The following RASAL2 variants were observed in gnomAD, a reference collection of about 807,000 sequenced individuals.
RASAL2 encodes ras GTPase-activating protein nGAP.
A neutral mutation model predicts 128.9 loss-of-function variants in RASAL2; 58 were observed. That is an observed-to-expected ratio of 0.45 (90% confidence interval 0.36 to 0.56). The LOEUF is 0.56. RASAL2 is among the 20% of genes least tolerant of loss of function. The probability of loss-of-function intolerance (pLI) is 0.00; values close to 1 mark genes in which losing one functional copy is unlikely to be tolerated. For synonymous variants in RASAL2, 561 were observed against 580.8 expected, an observed-to-expected ratio of 0.97 and a Z score of 0.49; for missense variants, 1,360 against 1,601.6, an observed-to-expected ratio of 0.85 and a Z score of 2.57.
At chr1:178,169,517 G>A (rs1571577637) in intron 1 of RASAL2, among the ~76,000 whole-genome samples, 3 of 152,104 alleles carry the variant, frequency 2.0e-5, no homozygotes, top group Non-Finnish European at 4.4e-5. Flanking sequence ...TCATAAGGAT[G>A]CTAACTATTA....
At chr1:178,246,290 G>T (rs1310973194) in intron 1 of RASAL2, among the ~76,000 whole-genome samples, 2 of 152,132 alleles carry the variant, frequency 1.3e-5, no homozygotes, top group African/African-American at 4.8e-5. Flanking sequence ...CACATCCCTT[G>T]TAAGTTGTAT....
intron 1 of RASAL2, among the ~76,000 whole-genome samples, chr1:178,211,449 TA>T (rs1571637057): frequency 6.6e-6 from 1 of 152,156 alleles, no homozygotes; most frequent in East Asian, 1.9e-4. Flanking sequence ...AGCTCCTCAT[TA>T]TTTATAAGAT....
At position 178,442,875 on chromosome 1, in the gene RASAL2, A is replaced by G. The variant is rs1258964456; in HGVS notation, c.1128A>G (p.Thr376=). ...FFSLPPLHSI[T]VHIYKDVEKK... ...GCCTTCCACCTCTTCATAGTATCAC[A>G]GTTCACATTTACAAGGATGTGGAAA... The change falls in exon 8 of 18, where the codon ACA becomes ACG. Residue 376 remains threonine, a synonymous_variant. Coordinates refer to ENST00000367649, the MANE Select transcript of RASAL2 (RefSeq NM_170692.4). The G allele has an allele frequency of 2.5e-6, 4 of 1,614,002 alleles. No individual in the cohort carries two copies. Among genetic ancestry groups the G allele is most frequent in the Non-Finnish European group, 3.4e-6 (4 of 1,179,972 alleles).
At chr1:178,190,945 AG>A (rs902746664) in intron 1 of RASAL2, among the ~76,000 whole-genome samples, 1 of 152,214 alleles carries the variant, frequency 6.6e-6, no homozygotes, top group Non-Finnish European at 1.5e-5. Flanking sequence ...AAGAATAGTA[AG>A]GATTAATGGC....
chr1:178,242,423 TTCTCTCTCTCTCTCTCTCTCTC>T (rs58914415), intron 1 of RASAL2, among the ~76,000 whole-genome samples: 3,815 of 85,260 alleles, frequency 0.045, 254 homozygotes, highest in African/African-American at 0.11. Context: ...TTATAATTCA[TTCTCTCTCTCTCTCTCTCTCTC>T]TCTCTCTCTC....
intron 1 of RASAL2, among the ~76,000 whole-genome samples, chr1:178,130,426 GT>G (rs1159235040): frequency 2.6e-5 from 4 of 152,212 alleles, no homozygotes; most frequent in Non-Finnish European, 4.4e-5. Context: ...GAAGGAGCAT[GT>G]TTTTCCCCCG....
chr1:178,239,756 A>T (rs757975929), intron 1 of RASAL2, among the ~76,000 whole-genome samples: 1 of 151,976 alleles, frequency 6.6e-6, no homozygotes, highest in Admixed American at 6.6e-5. Context: ...AGATTGTGTG[A>T]TGATTCTAAT....
intron 3 of RASAL2, among the ~76,000 whole-genome samples, chr1:178,338,420 G>A (rs1430626011): frequency 1.3e-5 from 2 of 152,138 alleles, no homozygotes; most frequent in African/African-American, 4.8e-5. Context: ...GTGAGCCACC[G>A]TGCCGGGCCT....
intron 3 of RASAL2, among the ~76,000 whole-genome samples, chr1:178,360,739 C>T (rs907846881): frequency 2.0e-5 from 3 of 152,132 alleles, no homozygotes; most frequent in Admixed American, 6.5e-5. Flanking sequence ...AAGGTGTCAA[C>T]GGGGTTGTTT....
intron 4 of RASAL2, among the ~76,000 whole-genome samples, chr1:178,414,340 A>G (rs1674611918): frequency 6.6e-6 from 1 of 152,188 alleles, no homozygotes. Flanking sequence ...AGCACAGAGG[A>G]TTTTGAGTAG....
intron 14 of RASAL2, among the ~76,000 whole-genome samples, chr1:178,463,199 C>T (rs980661384): frequency 6.6e-6 from 1 of 152,126 alleles, no homozygotes; most frequent in Non-Finnish European, 1.5e-5. Context: ...ACAAATCCCT[C>T]TATTTAATTA....
intron 1 of RASAL2, among the ~76,000 whole-genome samples, chr1:178,157,200 T>G (rs1298236345): frequency 5.3e-5 from 8 of 152,228 alleles, no homozygotes; most frequent in Non-Finnish European, 1.2e-4. Context: ...CTATTGCATT[T>G]TGGCACTTCT....
At chr1:178,379,896 A>G (rs1419399021) in intron 3 of RASAL2, among the ~76,000 whole-genome samples, 1 of 152,232 alleles carries the variant, frequency 6.6e-6, no homozygotes, top group Non-Finnish European at 1.5e-5. Flanking sequence ...GCTTCTCAAT[A>G]AAATTTGGAA....
At chr1:178,384,888 A>T (rs567600924) in intron 3 of RASAL2, among the ~76,000 whole-genome samples, 5 of 152,146 alleles carry the variant, frequency 3.3e-5, no homozygotes, top group Non-Finnish European at 7.4e-5. Context: ...AATTTATGTT[A>T]TTTATAATAG....
chr1:178,181,918 T>A (rs1238772683), intron 1 of RASAL2, among the ~76,000 whole-genome samples: 4 of 152,172 alleles, frequency 2.6e-5, no homozygotes, highest in Non-Finnish European at 5.9e-5. Context: ...GTTGATCACC[T>A]TGTTGAGATA....
Position 178,166,375 on chromosome 1 carries a change from C to G in RASAL2, c.202+71681C>G, listed in dbSNP as rs1159878848. The stretch of plus-strand genomic sequence containing the variant: ...TGGAACTAATATCTCTTGGCTTGTA[C>G]CTCCTCAAAGGGTAATGATCTCTTG... On this transcript the variant is annotated intron_variant, in intron 1 of 17. Transcript: ENST00000367649. 7.2e-5 allele frequency among the ~76,000 whole-genome samples: 11 copies of G among 152,126 alleles called. 1 individual carries two copies. Among genetic ancestry groups the G allele is most frequent in the Admixed American group, 7.2e-4 (11 of 15,262 alleles).
At chr1:178,339,360 A>G (rs996316368) in intron 3 of RASAL2, among the ~76,000 whole-genome samples, 2 of 152,174 alleles carry the variant, frequency 1.3e-5, no homozygotes, top group South Asian at 4.2e-4. Flanking sequence ...GCCATGTGCT[A>G]TGGGAAACAC....
chr1:178,244,731 C>T (rs1385810799), intron 1 of RASAL2, among the ~76,000 whole-genome samples: 1 of 152,174 alleles, frequency 6.6e-6, no homozygotes, highest in East Asian at 1.9e-4. Flanking sequence ...CCCCTTTCCC[C>T]TCATCCCCCA....
intron 1 of RASAL2, among the ~76,000 whole-genome samples, chr1:178,170,079 G>C (rs1456642930): frequency 6.6e-6 from 1 of 151,594 alleles, no homozygotes; most frequent in Non-Finnish European, 1.5e-5. Flanking sequence ...GATTTAAATT[G>C]CTCCTTATTT....
Sources: gnomAD v4.1 joint callset for allele counts (sites outside exome capture counted in the v4.1 genomes callset) on GRCh38, gnomAD v4.1.1 for gene constraint, MANE v1.5 for transcripts, NCBI Gene and HGNC (gene_info 2026-07-23, HGNC 2026-07-21) for gene names.